Variants in SHC1 observed in about 807,000 individuals in gnomAD.
The protein encoded by SHC1 is SHC adaptor protein 1, also known as SHC-transforming protein 1.
In SHC1, 30 loss-of-function variants were observed where a neutral mutation model predicts 55.9. The ratio of observed to expected loss-of-function variants is 0.54; its 90% CI spans 0.40 to 0.73. The LOEUF is 0.73. Ranked by LOEUF, SHC1 falls within the 30% of genes least tolerant of loss-of-function variation. SHC1 has a pLI of 0.00. For missense variants in SHC1, 675 were observed against 777.1 expected, an observed-to-expected ratio of 0.87 and a Z score of 1.56; for synonymous variants, 309 against 306.1, an observed-to-expected ratio of 1.01 and a Z score of -0.10.
rs771861582 is a variant in SHC1, at chr1:154,966,344, G to A, written c.1157C>T (p.Thr386Ile). The A allele has an allele frequency of 3.7e-6, 6 of 1,613,994 alleles. No homozygotes were observed. In the Admixed American group the frequency reaches 6.7e-5, roughly 18 times the overall value. The stretch of plus-strand genomic sequence containing the variant: ...CAATGTAGCTCCCAAGTGGCTGGGG[G>A]TCTGGGCATTGGGTGCAGTGGGTCG... ...AARPTAPNAQTPSHLGATLPV... is the reference protein window; with the variant it reads ...AARPTAPNAQIPSHLGATLPV... Residue 386 changes from threonine (T) to isoleucine (I), a missense_variant, in exon 8 of 12, where the codon ACC (threonine) becomes ATC (isoleucine). Thr to Ile is a moderately conservative substitution (Grantham distance 89). Transcript: ENST00000448116.
chr1:154,970,963 A>C (rs551278711), upstream of SHC1, among the ~76,000 whole-genome samples: 13 of 152,162 alleles, frequency 8.5e-5, no homozygotes, highest in Non-Finnish European at 1.6e-4. This position sits in a 1 kb window ranked among gnomAD's most constrained non-coding sequence, Gnocchi z 5.5. Context: ...GGGAGAAGTA[A>C]AGTGGGGGTG....
At position 154,963,588 on chromosome 1, in the gene SHC1, C is replaced by T. The variant is rs1655550208; in HGVS notation, c.*215G>A. 2 of 537,150 alleles carry T rather than the reference C, an allele frequency of 3.7e-6. No individual in the cohort carries two copies. Among genetic ancestry groups the T allele is most frequent in the East Asian group, 6.3e-5 (2 of 31,662 alleles). The allele number at this position is 537,150 out of a possible 1,614,324, so 33.3% of individuals were successfully genotyped here. A position where few individuals can be genotyped will look rare whatever the true frequency, so the allele number is the denominator to read the frequency against. On this transcript the variant is annotated 3_prime_UTR_variant, in exon 12 of 12. Coordinates refer to ENST00000448116, the MANE Select transcript of SHC1 (RefSeq NM_001130040.2). ...TGAGGGGCCACTCTGTACATTAATA[C>T]TTTGGTGATTAATGTTTGGGGAGAG...
chr1:154,965,237 A>G (rs1655787816), intron 11 of SHC1: 1 of 545,326 alleles, frequency 1.8e-6, no homozygotes, highest in Non-Finnish European at 2.9e-6. Flanking sequence ...GGGTTTCACC[A>G]TATTGGTCAG....
chr1:154,965,373 G>A, intron 11 of SHC1, 170 bp downstream of exon 11: 1 of 1,599,146 alleles, frequency 6.3e-7, no homozygotes, highest in South Asian at 1.1e-5. Flanking sequence ...TTCAGGCTAA[G>A]GGATGAGCCT....
At position 154,970,746 on chromosome 1, in the gene SHC1, C is replaced by T; in HGVS notation, c.-220G>A. ...CCCCGCCCAACGTGGAGCCTCTTCT[C>T]TGGCTGAGAAGAGAACAGGCTGGAC... On this transcript the variant is annotated 5_prime_UTR_variant, in exon 1 of 12. Transcript: ENST00000448116. This position sits in a 1 kb window ranked among gnomAD's most constrained non-coding sequence, Gnocchi z 5.5. The T allele has an allele frequency of 2.1e-6, 1 of 479,454 alleles. No homozygotes were observed. The highest frequency in any genetic ancestry group is 3.7e-6 in the Non-Finnish European group (1 of 272,110). The allele number at this position is 479,454 out of a possible 1,614,324, so 29.7% of individuals were successfully genotyped here. A position where few individuals can be genotyped will look rare whatever the true frequency, so the allele number is the denominator to read the frequency against.
At position 154,966,520 on chromosome 1, in the gene SHC1, G is replaced by A. The variant is rs747701548; in HGVS notation, c.984-3C>T. 44 of 1,579,442 alleles carry A rather than the reference G, an allele frequency of 2.8e-5. No homozygotes were observed. Among genetic ancestry groups the A allele is most frequent in the Non-Finnish European group, 3.5e-5 (41 of 1,160,280 alleles). ...CTGAGCCATCAAAGCCAGCCATCCT[G>A]AGGGACAGGACAGTGAAGCTGTGGC... On this transcript the variant is annotated splice_region_variant and splice_polypyrimidine_tract_variant and intron_variant, in intron 7 of 11. Transcript: ENST00000448116.
In SHC1 at chr1:154,968,244, T is replaced by G; in HGVS notation, c.764A>C (p.His255Pro). 1 of 1,614,076 alleles carries G rather than the reference T, an allele frequency of 6.2e-7. No individual in the cohort carries two copies. The highest frequency in any genetic ancestry group is 8.5e-7 in the Non-Finnish European group (1 of 1,179,992). ...TGCAAATGAGATAGATTGCATGTGG[T>G]GGTTGGCGATGATCTGAGAATTAGG... ...AADCKQIIANHHMQSISFASG... is the reference protein window; with the variant it reads ...AADCKQIIANPHMQSISFASG... Residue 255 changes from histidine (H) to proline (P), a missense_variant, in exon 5 of 12, where the codon CAC becomes CCC. His to Pro is a moderately conservative substitution (Grantham distance 77). This residue lies in a region of SHC1 where 159 missense variants were observed against 246.9 expected (regional missense o/e 0.64). Coordinates refer to ENST00000448116, the MANE Select transcript of SHC1 (RefSeq NM_001130040.2).
intron 3 of SHC1, 24 bp downstream of exon 3, chr1:154,968,747 C>A (rs754241428): frequency 6.2e-7 from 1 of 1,612,618 alleles, no homozygotes; most frequent in Non-Finnish European, 8.5e-7. Context: ...CAGCAGCATC[C>A]CTATCCCCAA....
chr1:154,968,079 C>A, intron 5 of SHC1, 48 bp from the exon 6 acceptor site: 1 of 1,604,978 alleles, frequency 6.2e-7, no homozygotes, highest in Non-Finnish European at 8.5e-7. Context: ...TACTCCTGAC[C>A]CCTAAAACCC....
At chr1:154,969,934 T>A in intron 1 of SHC1, 98 bp downstream of exon 1, 1 of 1,335,396 alleles carries the variant, frequency 7.5e-7, no homozygotes. Flanking sequence ...ACGGGGTTGT[T>A]GGGGAACAGC....
At position 154,968,475 on chromosome 1, in the gene SHC1, G is replaced by A. The variant is rs368416313; in HGVS notation, c.750+20C>T. On this transcript the variant is annotated intron_variant, in intron 4 of 11. Transcript: ENST00000448116. ...GCACCCCCATCAGTGTTTCTGGTCCGTCTGCCCACCTTCACCAACCTGTTT... is the reference window on the plus strand; with the variant it reads ...GCACCCCCATCAGTGTTTCTGGTCCATCTGCCCACCTTCACCAACCTGTTT... 1.9e-5 allele frequency: 31 copies of A among 1,613,818 alleles called. No homozygotes were observed. Among genetic ancestry groups the A allele is most frequent in the African/African-American group, 1.6e-4 (12 of 75,004 alleles).
At chr1:154,969,521 CTT>C in intron 1 of SHC1, 73 bp from the exon 2 acceptor site, 1 of 988,190 alleles carries the variant, frequency 1.0e-6, no homozygotes, top group Non-Finnish European at 1.6e-6. Context: ...GGCCCTAGGA[CTT>C]TACCCATATG....
At chr1:154,971,903 C>T (rs548429680), upstream of SHC1, among the ~76,000 whole-genome samples, 12 of 151,394 alleles carry the variant, frequency 7.9e-5, no homozygotes, top group African/African-American at 2.4e-4. Context: ...ACTGCTCTTC[C>T]GGAGAATGCC....
chr1:154,966,524 G>T lies in SHC1; in HGVS notation c.984-7C>A. ...GCCATCAAAGCCAGCCATCCTGAGGGACAGGACAGTGAAGCTGTGGCTGTA... is the reference window on the plus strand; with the variant it reads ...GCCATCAAAGCCAGCCATCCTGAGGTACAGGACAGTGAAGCTGTGGCTGTA... On this transcript the variant is annotated splice_region_variant and splice_polypyrimidine_tract_variant and intron_variant, in intron 7 of 11. Coordinates refer to ENST00000448116, the MANE Select transcript of SHC1 (RefSeq NM_001130040.2). 6.4e-7 allele frequency: 1 copy of T among 1,568,622 alleles called. No individual in the cohort carries two copies. The highest frequency in any genetic ancestry group is 8.7e-7 in the Non-Finnish European group (1 of 1,154,006).
chr1:154,966,288 G>C (rs2102062624), intron 8 of SHC1, 31 bp downstream of exon 8: 4 of 1,611,958 alleles, frequency 2.5e-6, no homozygotes, highest in African/African-American at 1.3e-5. Context: ...TCCCACCCTA[G>C]CCCCAGCCCG....
chr1:154,968,926 GC>G, intron 2 of SHC1, 92 bp from the exon 3 acceptor site: 1 of 1,115,338 alleles, frequency 9.0e-7, no homozygotes. Flanking sequence ...GGAAAGCCAG[GC>G]CAGACTCCCA....
upstream of SHC1, chr1:154,974,349 G>T (rs1295556250): frequency 3.3e-6 from 1 of 300,476 alleles, no homozygotes; most frequent in Non-Finnish European, 6.4e-6. Flanking sequence ...CCCGGGCCCT[G>T]CCTCCCTGGA....
chr1:154,966,494 G>C lies in SHC1; in HGVS notation c.1007C>G (p.Ala336Gly). ...TGGCTCTTCCTCCTCCTCATCCCATGCTGAGCCATCAAAGCCAGCCATCCT... is the reference window on the plus strand; with the variant it reads ...TGGCTCTTCCTCCTCCTCATCCCATCCTGAGCCATCAAAGCCAGCCATCCT... ...HDRMAGFDGS[A>G]WDEEEEEPPD... is the part of the protein sequence containing the mutation. Residue 336 changes from alanine (A) to glycine (G), a missense_variant, in exon 8 of 12, where the codon GCA becomes GGA. Physicochemically the swap from Ala to Gly is moderately conservative, Grantham distance 60. Around this residue, in one of 3 missense-constraint regions of SHC1, gnomAD observed 360 missense variants for 371.1 expected, o/e 0.97. Coordinates refer to ENST00000448116, the MANE Select transcript of SHC1 (RefSeq NM_001130040.2). 2 of 1,602,490 alleles carry C rather than the reference G, an allele frequency of 1.2e-6. No individual in the cohort carries two copies.
chr1:154,973,419 G>C (rs1258502402), upstream of SHC1: 3 of 151,088 alleles, frequency 2.0e-5, no homozygotes, highest in African/African-American at 7.3e-5. Context: ...GCTGAGGCAG[G>C]AGAATCACTT....
Sources: gnomAD v4.1 joint callset for allele counts (sites outside exome capture counted in the v4.1 genomes callset) on GRCh38, gnomAD v4.1.1 for gene constraint, gnomAD v4.1.1 regional missense constraint, Gnocchi (gnomAD v3.1) non-coding constraint, MANE v1.5 for transcripts, NCBI Gene and HGNC (gene_info 2026-07-23, HGNC 2026-07-21) for gene names.